The following ANK2 variants were observed in gnomAD, a reference collection of about 807,000 sequenced individuals.
ANK2 encodes the protein ankyrin 2.
A neutral mutation model predicts 360.5 loss-of-function variants in ANK2; 83 were observed. The observed-to-expected ratio is 0.23, with a 90% CI of 0.19 to 0.28. The LOEUF is 0.28. Among genes scored for constraint, ANK2 ranks in the 10% least tolerant of loss-of-function variants. The probability of loss-of-function intolerance (pLI) is 1.00; values close to 1 mark genes in which losing one functional copy is unlikely to be tolerated. For missense variants in ANK2, 4,201 were observed against 4,795.7 expected (o/e 0.88, Z 3.66); for synonymous variants, 1,740 against 1,759.5 (o/e 0.99, Z 0.28).
chr4:113,156,467 C>A (rs549440247), intron 1 of ANK2, among the ~76,000 whole-genome samples: 286 of 150,826 alleles, frequency 1.9e-3, no homozygotes, highest in African/African-American at 6.0e-3. Flanking sequence ...GCCTCCCGGG[C>A]TCAAGTGATT....
chr4:112,817,878 T>C (rs556222080), upstream of ANK2, among the ~76,000 whole-genome samples: 4 of 152,304 alleles, frequency 2.6e-5, no homozygotes, highest in South Asian at 6.2e-4. Flanking sequence ...TGCTTATTTT[T>C]CCCTTCTTTT....
the ANK2 span, among the ~76,000 whole-genome samples, chr4:112,744,642 G>A: frequency 4.1e-4 from 63 of 152,196 alleles, no homozygotes; most frequent in African/African-American, 1.3e-3. Flanking sequence ...GAGCCACCAC[G>A]CCTGGCCAGG....
intron 2 of ANK2, among the ~76,000 whole-genome samples, chr4:113,191,698 T>A (rs1414657068): frequency 6.6e-6 from 1 of 152,116 alleles, no homozygotes; most frequent in Admixed American, 6.5e-5. Context: ...ACCTTACATT[T>A]GTTTTTTACT....
chr4:112,984,083 A>G (rs983294952), intron 2 of ANK2, among the ~76,000 whole-genome samples: 3 of 152,252 alleles, frequency 2.0e-5, no homozygotes. Context: ...AGGCTCAGCC[A>G]GTGTGGAATC....
chr4:112,940,663 A>T (rs2094138707), intron 2 of ANK2, among the ~76,000 whole-genome samples: 1 of 152,174 alleles, frequency 6.6e-6, no homozygotes, highest in South Asian at 2.1e-4. Flanking sequence ...TAGCATACAA[A>T]CCTCTGAACC....
At chr4:113,336,412 T>G (rs894671635) in intron 30 of ANK2, 165 bp from the exon 31 acceptor site, 21 of 699,280 alleles carry the variant, frequency 3.0e-5, no homozygotes, top group Non-Finnish European at 4.2e-5. Context: ...TTATGAGTGC[T>G]TAGTAATAAT....
the ANK2 span, among the ~76,000 whole-genome samples, chr4:112,758,869 G>A: frequency 6.6e-6 from 1 of 152,136 alleles, no homozygotes; most frequent in Non-Finnish European, 1.5e-5. Flanking sequence ...GATGTGTGCA[G>A]TGGCCACTTT....
At chr4:113,143,380 A>G (rs1375836248) in intron 1 of ANK2, among the ~76,000 whole-genome samples, 1 of 86,352 alleles carries the variant, frequency 1.2e-5, no homozygotes, top group Non-Finnish European at 2.4e-5. Context: ...AAAATTATTC[A>G]TCTAGCACCT....
intron 13 of ANK2, among the ~76,000 whole-genome samples, chr4:113,262,935 A>G (rs2053786972): frequency 6.6e-6 from 1 of 151,944 alleles, no homozygotes; most frequent in South Asian, 2.1e-4. Flanking sequence ...CACACCTGTA[A>G]TCCCAGCACT....
At chr4:112,968,638 C>T (rs2038257248) in intron 2 of ANK2, among the ~76,000 whole-genome samples, 1 of 152,094 alleles carries the variant, frequency 6.6e-6, no homozygotes, top group South Asian at 2.1e-4. Flanking sequence ...TGCTGTTGCC[C>T]ATAGCAACCA....
chr4:112,799,170 A>G, the ANK2 span, among the ~76,000 whole-genome samples: 1 of 152,242 alleles, frequency 6.6e-6, no homozygotes, highest in African/African-American at 2.4e-5. Context: ...AAAGCTAAAT[A>G]ACGTTCCATT....
chr4:112,905,555 A>G (rs2150936010), intron 2 of ANK2, among the ~76,000 whole-genome samples: 1 of 152,302 alleles, frequency 6.6e-6, no homozygotes, highest in African/African-American at 2.4e-5. Flanking sequence ...TTTAACATAC[A>G]TTTTCTATAC....
chr4:113,357,723 C>T lies in ANK2; in HGVS notation c.9105C>T (p.Ile3035=). The T allele has an allele frequency of 1.2e-6, 2 of 1,614,106 alleles. No homozygotes were observed. The highest frequency in any genetic ancestry group is 1.7e-6 in the Non-Finnish European group (2 of 1,179,986). The change falls in exon 38 of 46, where the codon ATC becomes ATT. Residue 3035 remains isoleucine, a synonymous_variant. Coordinates refer to ENST00000357077, the MANE Select transcript of ANK2 (RefSeq NM_001148.6). ...VVGEQISKVI[I]TKTDVDSDSW... is the part of the protein sequence containing the mutation. ...GTGAACAAATAAGCAAAGTCATCAT[C>T]ACAAAAACTGATGTGGATTCTGATT...
At chr4:112,711,403 C>T in the ANK2 span, among the ~76,000 whole-genome samples, 3 of 152,230 alleles carry the variant, frequency 2.0e-5, no homozygotes, top group East Asian at 1.9e-4. Context: ...GGTGCCTGTA[C>T]TCCCAGCTAC....
chr4:113,152,624 A>C (rs1409486249), intron 1 of ANK2, among the ~76,000 whole-genome samples: 1 of 152,084 alleles, frequency 6.6e-6, no homozygotes, highest in Non-Finnish European at 1.5e-5. Context: ...CCTTTCTTTA[A>C]TACTTCCTTA....
the ANK2 span, among the ~76,000 whole-genome samples, chr4:112,717,091 T>C: frequency 6.6e-6 from 1 of 152,358 alleles, no homozygotes. Context: ...ACTAGACTAA[T>C]ATACAAGTTA....
chr4:112,779,505 C>A, the ANK2 span, among the ~76,000 whole-genome samples: 3 of 151,112 alleles, frequency 2.0e-5, no homozygotes, highest in Non-Finnish European at 4.4e-5. Context: ...GGCGACAGAG[C>A]GGGACTCGGT....
intron 2 of ANK2, chr4:112,904,596 G>A: frequency 2.8e-6 from 3 of 1,067,576 alleles, no homozygotes; most frequent in East Asian, 2.9e-5. Context: ...GTACTATTTT[G>A]GTAAAAACAA....
At chr4:112,875,765 G>A (rs907232551) in intron 1 of ANK2, among the ~76,000 whole-genome samples, 1 of 151,500 alleles carries the variant, frequency 6.6e-6, no homozygotes, top group Non-Finnish European at 1.5e-5. Flanking sequence ...TAGGAGACAG[G>A]GTCTCACTCT....
Sources: gnomAD v4.1 joint callset for allele counts (sites outside exome capture counted in the v4.1 genomes callset) on GRCh38, gnomAD v4.1.1 for gene constraint, MANE v1.5 for transcripts, NCBI Gene and HGNC (gene_info 2026-07-23, HGNC 2026-07-21) for gene names.